RANBP17: variants seen among roughly 807,000 people sequenced by gnomAD.
RANBP17 encodes ran-binding protein 17.
In RANBP17, 158 loss-of-function variants were observed where a neutral mutation model predicts 141.2. That is an observed-to-expected ratio of 1.12 (90% CI 0.98 to 1.28). The LOEUF is 1.28. Among genes scored for constraint, RANBP17 ranks in the 50% most tolerant of loss-of-function variants. The pLI, the probability that RANBP17 is intolerant of heterozygous loss-of-function variation, is 0.00. For synonymous variants in RANBP17, 430 were observed against 450.0 expected (o/e 0.96, Z 0.56); for missense variants, 1,438 against 1,290.7 (o/e 1.11, Z -1.75).
intron 14 of RANBP17, among the ~76,000 whole-genome samples, chr5:171,117,829 T>TCTGTTG (rs1554100774): frequency 2.0e-4 from 29 of 147,558 alleles, no homozygotes; most frequent in African/African-American, 7.0e-4. Flanking sequence ...TATGTGGGGT[T>TCTGTTG]TTGTTGTTGT....
chr5:171,095,856 A>G (rs1786649057), intron 14 of RANBP17, among the ~76,000 whole-genome samples: 1 of 152,220 alleles, frequency 6.6e-6, no homozygotes, highest in African/African-American at 2.4e-5. Context: ...AAGCCTTACC[A>G]GTAAAATGAA....
At chr5:170,961,326 C>A (rs1776138306) in intron 13 of RANBP17, among the ~76,000 whole-genome samples, 1 of 152,088 alleles carries the variant, frequency 6.6e-6, no homozygotes, top group Non-Finnish European at 1.5e-5. Flanking sequence ...AGTTGGATAC[C>A]TAGGAAAATT....
At chr5:171,232,475 A>T (rs886267487) in intron 22 of RANBP17, among the ~76,000 whole-genome samples, 1 of 152,050 alleles carries the variant, frequency 6.6e-6, no homozygotes, top group Non-Finnish European at 1.5e-5. Context: ...ATCTTTTTTC[A>T]TGCAAAATAA....
intron 14 of RANBP17, among the ~76,000 whole-genome samples, chr5:171,025,777 A>G (rs1299309345): frequency 6.6e-6 from 1 of 151,898 alleles, no homozygotes; most frequent in Non-Finnish European, 1.5e-5. Flanking sequence ...TTGTAAAGAC[A>G]AGATCTTGCT....
chr5:170,904,095 A>C (rs2127408680), intron 5 of RANBP17: 1 of 419,900 alleles, frequency 2.4e-6, no homozygotes, highest in East Asian at 5.6e-5. Context: ...GGTTAGAGGA[A>C]ATGTACAGAT....
intron 24 of RANBP17, among the ~76,000 whole-genome samples, chr5:171,262,679 AATAT>A (rs1425418375): frequency 6.6e-6 from 1 of 152,180 alleles, no homozygotes; most frequent in Non-Finnish European, 1.5e-5. Flanking sequence ...GCTACTCAAA[AATAT>A]ATAACAAATT....
intron 14 of RANBP17, among the ~76,000 whole-genome samples, chr5:171,155,544 C>G (rs540629264): frequency 6.6e-6 from 1 of 152,166 alleles, no homozygotes; most frequent in African/African-American, 2.4e-5. Context: ...AATAATTCCC[C>G]TAATTCCATA....
intron 21 of RANBP17, among the ~76,000 whole-genome samples, chr5:171,221,436 A>T (rs1348165730): frequency 6.6e-6 from 1 of 152,210 alleles, no homozygotes; most frequent in Non-Finnish European, 1.5e-5. Context: ...GGGGTGTTTT[A>T]TTATTATCCA....
rs142659182 is a variant in RANBP17 at position 171,243,245 on chromosome 5, T to C, written c.2776+425T>C. 5.9e-5 allele frequency among the ~76,000 whole-genome samples: 9 copies of C among 152,328 alleles called. No homozygotes were observed. The East Asian group carries it at 1.7e-3, about 29-fold the overall frequency. On this transcript the variant is annotated intron_variant, in intron 24 of 27. Coordinates refer to ENST00000523189, the MANE Select transcript of RANBP17 (RefSeq NM_022897.5). The stretch of plus-strand genomic sequence containing the variant: ...TGCTTTCTCTCACAATAGTTTTCTT[T>C]TCCAGAATTACATTCAAGTGGAATT...
intron 14 of RANBP17, among the ~76,000 whole-genome samples, chr5:171,038,403 T>G (rs1328089634): frequency 1.3e-5 from 2 of 152,070 alleles, no homozygotes; most frequent in East Asian, 1.9e-4. Flanking sequence ...CCAAGAGAGA[T>G]AGTTTGACTT....
At chr5:170,868,933 G>A (rs1767488111) in intron 1 of RANBP17, among the ~76,000 whole-genome samples, 1 of 152,142 alleles carries the variant, frequency 6.6e-6, no homozygotes, top group South Asian at 2.1e-4. Context: ...TTTCTACCAG[G>A]GGAAGGGTCT....
chr5:171,264,726 C>T (rs997854499), intron 24 of RANBP17, among the ~76,000 whole-genome samples: 6 of 152,120 alleles, frequency 3.9e-5, no homozygotes, highest in Non-Finnish European at 7.4e-5. Context: ...GGTGAAAAAA[C>T]GTGAAGTAGC....
chr5:171,278,117 GA>G (rs1204455784), intron 25 of RANBP17, among the ~76,000 whole-genome samples: 1 of 151,912 alleles, frequency 6.6e-6, no homozygotes, highest in Non-Finnish European at 1.5e-5. Flanking sequence ...AGCAATTTGA[GA>G]AGCTGAAGCT....
At chr5:171,282,732 G>T (rs748596654) in intron 25 of RANBP17, among the ~76,000 whole-genome samples, 2 of 151,850 alleles carry the variant, frequency 1.3e-5, no homozygotes, top group Non-Finnish European at 2.9e-5. Flanking sequence ...CACCTGCCTC[G>T]GCCTCCCAAA....
chr5:171,124,159 G>T (rs1756253759), intron 14 of RANBP17, among the ~76,000 whole-genome samples: 1 of 152,004 alleles, frequency 6.6e-6, no homozygotes, highest in African/African-American at 2.4e-5. Flanking sequence ...TTATCAAAAA[G>T]ATAGATGGCA....
chr5:171,155,003 G>A (rs866899481), intron 14 of RANBP17, among the ~76,000 whole-genome samples: 24 of 150,000 alleles, frequency 1.6e-4, no homozygotes, highest in African/African-American at 4.4e-4. Flanking sequence ...GCTTGAACCC[G>A]GGAGGCAGAG....
chr5:171,071,909 TTCACTC>T (rs1233046627), intron 14 of RANBP17, among the ~76,000 whole-genome samples: 3 of 152,090 alleles, frequency 2.0e-5, no homozygotes, highest in Non-Finnish European at 4.4e-5. Flanking sequence ...CTTTTAAACT[TTCACTC>T]TAAGAAAGGC....
At chr5:171,209,307 G>C (rs17073415) in intron 20 of RANBP17, among the ~76,000 whole-genome samples, 9,922 of 152,186 alleles carry the variant, frequency 0.065, 441 homozygotes, top group East Asian at 0.12. Flanking sequence ...GTTTGTTTGG[G>C]ACTCTTGAAT....
intron 12 of RANBP17, 50 bp downstream of exon 12, chr5:170,924,600 C>T (rs755326417): frequency 8.7e-7 from 1 of 1,155,472 alleles, no homozygotes; most frequent in East Asian, 2.4e-5. Context: ...TATTAAGTAA[C>T]ATCATTAATC....
Sources: gnomAD v4.1 joint callset for allele counts (sites outside exome capture counted in the v4.1 genomes callset) on GRCh38, gnomAD v4.1.1 for gene constraint, MANE v1.5 for transcripts, NCBI Gene and HGNC (gene_info 2026-07-23, HGNC 2026-07-21) for gene names.